Variants in SULT6B1 observed in about 807,000 individuals in gnomAD.
SULT6B1 encodes the protein sulfotransferase 6B1.
Under a neutral mutation model 37.2 loss-of-function variants are expected in SULT6B1, and 44 were observed. The ratio of observed to expected loss-of-function variants is 1.18; its 90% CI spans 0.93 to 1.52. The LOEUF (loss-of-function observed/expected upper bound fraction) is 1.52. SULT6B1 is among the 40% of genes most tolerant of loss of function. The pLI is 0.00. For missense variants in SULT6B1, 450 were observed against 361.0 expected (o/e 1.25, Z -2.00); for synonymous variants, 140 against 126.0 (o/e 1.11, Z -0.74).
Position 37,186,095 on chromosome 2 carries a change from C to T in SULT6B1, c.312+1260G>A, listed in dbSNP as rs568684398. On this transcript the variant is annotated intron_variant, in intron 2 of 6. Transcript: ENST00000535679. ...CTAATCCATGGAAATGGGCTTCCTT[C>T]CATCTAGGTTCCAACTTTCAAGTTT... Among the ~76,000 whole-genome samples the T allele has an allele frequency of 4.6e-5, 7 of 152,334 alleles. No homozygotes were observed. In the South Asian group the frequency reaches 1.5e-3, roughly 32 times the overall value.
chr2:37,171,354 G>A, intron 6 of SULT6B1, 80 bp downstream of exon 6: 1 of 1,506,350 alleles, frequency 6.6e-7, no homozygotes, highest in East Asian at 2.3e-5. Context: ...TCTGACTTAA[G>A]ATGAAGTTAT....
rs760578354 is a variant in SULT6B1 at position 37,171,505 on chromosome 2, C to T, written c.710G>A (p.Ser237Asn). 1.9e-6 allele frequency: 3 copies of T among 1,614,166 alleles called. No individual in the cohort carries two copies. Among genetic ancestry groups the T allele is most frequent in the South Asian group, 2.2e-5 (2 of 91,074 alleles). Residue 237 changes from serine to asparagine, a missense_variant, in exon 6 of 7, where the codon AGC becomes AAC. Coordinates refer to ENST00000535679, the MANE Select transcript of SULT6B1 (RefSeq NM_001367551.1). ...CTTCGCACGCATGGCTTGGAAGGTG[C>T]TCTGGACTGAGATAGTTTGAATTTG... is the stretch of plus-strand genomic sequence containing the variant. ...GEQIQTISVQ[S>N]TFQAMRAKSQ...
At chr2:37,192,208 A>C (rs1187803834), upstream of SULT6B1, among the ~76,000 whole-genome samples, 1 of 152,238 alleles carries the variant, frequency 6.6e-6, no homozygotes, top group Non-Finnish European at 1.5e-5. Context: ...TATCAATTGT[A>C]AGATGCATTC....
chr2:37,180,275 T>C (rs1401683942), intron 3 of SULT6B1, among the ~76,000 whole-genome samples: 1 of 152,194 alleles, frequency 6.6e-6, no homozygotes, highest in Non-Finnish European at 1.5e-5. Context: ...TCTGAAAACA[T>C]GTGAGGCCAG....
chr2:37,187,224 A>G (rs953301939), intron 2 of SULT6B1, 131 bp downstream of exon 2: 2 of 613,660 alleles, frequency 3.3e-6, no homozygotes, highest in Middle Eastern at 4.0e-4. Context: ...TGCTGAGGAT[A>G]TGGTAAGCAC....
At chr2:37,192,229 A>G (rs1012885669), upstream of SULT6B1, among the ~76,000 whole-genome samples, 2 of 152,218 alleles carry the variant, frequency 1.3e-5, no homozygotes, top group Non-Finnish European at 2.9e-5. Flanking sequence ...CTATTTCTGA[A>G]ATGTAAACAT....
intron 3 of SULT6B1, among the ~76,000 whole-genome samples, chr2:37,181,669 A>C (rs1043586828): frequency 6.6e-6 from 1 of 152,182 alleles, no homozygotes; most frequent in Non-Finnish European, 1.5e-5. Context: ...GATGTGAGCC[A>C]CTGCATCCAG....
At chr2:37,185,736 A>AAAAAAAAAAAAAG in intron 2 of SULT6B1, among the ~76,000 whole-genome samples, 1 of 149,556 alleles carries the variant, frequency 6.7e-6, no homozygotes, top group Non-Finnish European at 1.5e-5. Context: ...AAAAAAAAAA[A>AAAAAAAAAAAAAG]ACAGAGAGAG....
At chr2:37,190,592 G>T (rs1676761582), upstream of SULT6B1, among the ~76,000 whole-genome samples, 1 of 152,216 alleles carries the variant, frequency 6.6e-6, no homozygotes. Context: ...GCTTCTAGAA[G>T]ACGAGAGGTG....
chr2:37,185,962 G>T (rs552332801), intron 2 of SULT6B1, among the ~76,000 whole-genome samples: 71 of 152,212 alleles, frequency 4.7e-4, no homozygotes, highest in Non-Finnish European at 8.7e-4. Flanking sequence ...CTTTGGTACA[G>T]GTGACCCTCC....
At chr2:37,170,612 T>G (rs1431959832) in intron 6 of SULT6B1, among the ~76,000 whole-genome samples, 2 of 150,352 alleles carry the variant, frequency 1.3e-5, no homozygotes, top group Non-Finnish European at 3.0e-5. Context: ...CTATTAAAAA[T>G]ACAAAAAAAT....
chr2:37,178,958 T>TTTGC (rs1312917187), intron 4 of SULT6B1, among the ~76,000 whole-genome samples: 1 of 147,730 alleles, frequency 6.8e-6, no homozygotes, highest in African/African-American at 2.4e-5. Flanking sequence ...TAGTTTTTTG[T>TTTGC]TTGTTTGTTT....
intron 6 of SULT6B1, among the ~76,000 whole-genome samples, chr2:37,168,722 G>T (rs1326443222): frequency 6.6e-6 from 1 of 152,062 alleles, no homozygotes; most frequent in Non-Finnish European, 1.5e-5. Context: ...GCAAGTTTTC[G>T]TTAAGACCTC....
rs1202686068 is a variant in SULT6B1 at position 37,188,447 on chromosome 2, T to A, written c.194A>T (p.Lys65Met). The change falls in exon 1 of 7, where the codon AAG becomes ATG. Residue 65 changes from lysine to methionine, a missense_variant. By Grantham distance (95) the Lys-to-Met change is moderately conservative. Coordinates refer to ENST00000535679, the MANE Select transcript of SULT6B1 (RefSeq NM_001367551.1). ...GGAAACGACTTGTCATTTACCGCAC[T>A]TTGGATAAGATGCTAGCACGATGTC... ...HDDIVLASYPKCGSNWILHIV... is the reference protein window; with the variant it reads ...HDDIVLASYPMCGSNWILHIV... 6.2e-7 allele frequency: 1 copy of A among 1,612,788 alleles called. No homozygotes were observed. Among genetic ancestry groups the A allele is most frequent in the African/African-American group, 1.3e-5 (1 of 74,858 alleles).
chr2:37,191,239 C>T (rs1288338132), upstream of SULT6B1: 2 of 133,244 alleles, frequency 1.5e-5, no homozygotes, highest in African/African-American at 5.7e-5. Flanking sequence ...AGAAACAAGG[C>T]CATGGCATTT....
chr2:37,183,601 G>T (rs1442820384), intron 2 of SULT6B1, 87 bp from the exon 3 acceptor site: 2 of 1,024,776 alleles, frequency 2.0e-6, no homozygotes, highest in African/African-American at 1.6e-5. Flanking sequence ...TGGTATCTAA[G>T]TGATAGTTTC....
chr2:37,183,202 C>T (rs1252759515), intron 3 of SULT6B1, among the ~76,000 whole-genome samples: 2 of 152,086 alleles, frequency 1.3e-5, no homozygotes, highest in African/African-American at 4.8e-5. Context: ...TTATAAAATA[C>T]ATTTTATTCT....
intron 2 of SULT6B1, among the ~76,000 whole-genome samples, chr2:37,185,666 C>T (rs1676656240): frequency 7.1e-6 from 1 of 141,536 alleles, no homozygotes; most frequent in Non-Finnish European, 1.5e-5. Flanking sequence ...TGCAGTGAGC[C>T]GAGATCGCAC....
At chr2:37,179,391 A>G in intron 4 of SULT6B1, 67 bp downstream of exon 4, 2 of 1,592,240 alleles carry the variant, frequency 1.3e-6, no homozygotes, top group Non-Finnish European at 1.7e-6. Context: ...CCTAAAACAC[A>G]TTTGGGTTTT....
Sources: allele counts gnomAD v4.1 joint callset (sites outside exome capture counted in the v4.1 genomes callset), GRCh38; gene constraint gnomAD v4.1.1; transcripts MANE v1.5; gene names NCBI Gene and HGNC (gene_info 2026-07-23, HGNC 2026-07-21).